Variants in GUCY1A2 observed in about 807,000 individuals in gnomAD.
The protein encoded by GUCY1A2 is guanylate cyclase soluble subunit alpha-2.
In GUCY1A2, 27 loss-of-function variants were observed where a neutral mutation model predicts 63.5. That is an observed-to-expected ratio of 0.43 (90% CI 0.31 to 0.59). The LOEUF is 0.59. GUCY1A2 is among the 20% of genes least tolerant of loss of function. GUCY1A2 has a pLI of 0.11. For synonymous variants in GUCY1A2, 364 were observed against 343.5 expected (o/e 1.06, Z -0.66); for missense variants, 768 against 913.3 (o/e 0.84, Z 2.05).
chr11:106,915,105 G>C (rs779149493), intron 4 of GUCY1A2, among the ~76,000 whole-genome samples: 17 of 152,122 alleles, frequency 1.1e-4, no homozygotes, highest in Non-Finnish European at 1.5e-4. Flanking sequence ...GTTTAAAAAA[G>C]TTCTTCAGGA....
Position 107,001,973 on chromosome 11 carries a change from C to T in GUCY1A2, c.303+15780G>A, listed in dbSNP as rs1468275603. Among the ~76,000 whole-genome samples, 8 of 150,854 alleles carry T rather than the reference C, an allele frequency of 5.3e-5. No individual in the cohort carries two copies. The East Asian group carries it at 5.8e-4, about 11-fold the overall frequency. On this transcript the variant is annotated intron_variant, in intron 1 of 7. Coordinates refer to ENST00000526355, the MANE Select transcript of GUCY1A2 (RefSeq NM_000855.3). ...GGCAGAGGTTGCAATGAGCTGAGAT[C>T]GCAACACTACACAGCAGCCTGGGCG... is the stretch of plus-strand genomic sequence containing the variant.
At position 106,682,241 on chromosome 11, in the gene GUCY1A2, T is replaced by C; in HGVS notation, c.*5308A>G. The C allele has an allele frequency of 4.7e-6, 1 of 214,754 alleles. No homozygotes were observed. The highest frequency in any genetic ancestry group is 9.4e-6 in the Non-Finnish European group (1 of 106,620). 13.3% of individuals were successfully genotyped at this position (214,754 alleles called of 1,614,324 possible). A position where few individuals can be genotyped will look rare whatever the true frequency, so the allele number is the denominator to read the frequency against. ...ATAATGGTATGAGGCCTAGAGTATT[T>C]AACTTTTCAAAATAACTACAAATGA... On this transcript the variant is annotated 3_prime_UTR_variant, in exon 8 of 8. Coordinates refer to ENST00000526355, the MANE Select transcript of GUCY1A2 (RefSeq NM_000855.3).
intron 6 of GUCY1A2, among the ~76,000 whole-genome samples, chr11:106,771,182 A>G (rs1384207802): frequency 6.6e-6 from 1 of 152,106 alleles, no homozygotes; most frequent in Non-Finnish European, 1.5e-5. Context: ...TTAATCCTTG[A>G]CCCAACTTCC....
chr11:106,952,288 G>T (rs1860920396), intron 3 of GUCY1A2, among the ~76,000 whole-genome samples: 1 of 152,172 alleles, frequency 6.6e-6, no homozygotes, highest in Non-Finnish European at 1.5e-5. Context: ...GTCAATGGTA[G>T]TTTGATGTGA....
At chr11:106,819,657 G>C (rs1453500161) in intron 4 of GUCY1A2, among the ~76,000 whole-genome samples, 1 of 152,078 alleles carries the variant, frequency 6.6e-6, no homozygotes, top group Non-Finnish European at 1.5e-5. Flanking sequence ...CTACAGTATA[G>C]TGTGAAAAGA....
chr11:106,894,776 G>A (rs906203899), intron 4 of GUCY1A2, among the ~76,000 whole-genome samples: 2 of 152,114 alleles, frequency 1.3e-5, no homozygotes, highest in South Asian at 4.2e-4. Context: ...TGCAAAGAGA[G>A]TAACACCACT....
chr11:106,981,819 C>T (rs2120128496), intron 2 of GUCY1A2, among the ~76,000 whole-genome samples: 1 of 151,984 alleles, frequency 6.6e-6, no homozygotes, highest in East Asian at 1.9e-4. Context: ...GCATGTTCAC[C>T]ACCAGATGCT....
intron 4 of GUCY1A2, chr11:106,827,897 G>A (rs541926948): frequency 4.3e-5 from 65 of 1,511,366 alleles, no homozygotes; most frequent in African/African-American, 4.1e-5. Flanking sequence ...TCATGCTGCC[G>A]GACTCCCAGT....
intron 5 of GUCY1A2, among the ~76,000 whole-genome samples, chr11:106,795,595 A>T (rs1283928990): frequency 1.3e-5 from 2 of 151,668 alleles, no homozygotes. Context: ...CAGCAGTCTC[A>T]CAGCGATTTT....
intron 5 of GUCY1A2, among the ~76,000 whole-genome samples, chr11:106,788,458 GC>G (rs1864603370): frequency 6.6e-6 from 1 of 151,362 alleles, no homozygotes; most frequent in Non-Finnish European, 1.5e-5. Context: ...CAAGAAATCT[GC>G]CCACTCCAAT....
chr11:107,015,493 T>A (rs1331142347), intron 1 of GUCY1A2, among the ~76,000 whole-genome samples: 2 of 133,186 alleles, frequency 1.5e-5, no homozygotes, highest in African/African-American at 5.6e-5. Flanking sequence ...TTGAAAATAG[T>A]CTTAGCTTAA....
chr11:107,004,654 A>G (rs1444764613), intron 1 of GUCY1A2, among the ~76,000 whole-genome samples: 2 of 152,210 alleles, frequency 1.3e-5, no homozygotes, highest in Non-Finnish European at 2.9e-5. Context: ...TAGGTAAACT[A>G]GTAAATAAGA....
intron 4 of GUCY1A2, among the ~76,000 whole-genome samples, chr11:106,820,163 A>T (rs1356951902): frequency 6.6e-6 from 1 of 152,256 alleles, no homozygotes; most frequent in East Asian, 1.9e-4. Context: ...TTCCAAAAAA[A>T]TAAGGTGCTT....
intron 6 of GUCY1A2, among the ~76,000 whole-genome samples, chr11:106,738,251 T>C (rs1863625558): frequency 2.0e-5 from 3 of 152,210 alleles, no homozygotes; most frequent in Non-Finnish European, 4.4e-5. Flanking sequence ...TGTACTTTTC[T>C]TGTAAATTTG....
At chr11:106,970,183 A>G (rs950784729) in intron 3 of GUCY1A2, among the ~76,000 whole-genome samples, 21 of 152,142 alleles carry the variant, frequency 1.4e-4, no homozygotes, top group Admixed American at 1.4e-3. Context: ...CCATTTGTGG[A>G]CATCTTATAT....
chr11:106,757,731 C>A lies in GUCY1A2; in HGVS notation c.1836+18708G>T, dbSNP rs1863998917. 2.6e-5 allele frequency among the ~76,000 whole-genome samples: 4 copies of A among 152,166 alleles called. No individual in the cohort carries two copies. In the South Asian group the frequency reaches 8.3e-4, roughly 32 times the overall value. ...CTGATCGTTCCTCTGGAAGCTTTGT[C>A]CCAGAGGGGCACCCATGAGATGCCA... On this transcript the variant is annotated intron_variant, in intron 6 of 7. Transcript: ENST00000526355.
rs564931540 is a variant in GUCY1A2 at position 106,703,497 on chromosome 11, T to C, written c.1991+5015A>G. ...AGATATGTGATGATAGAAGTAGAAT[T>C]AGAAAGATGAACTATTATTGGCTTT... On this transcript the variant is annotated intron_variant, in intron 7 of 7. Transcript: ENST00000526355. Among the ~76,000 whole-genome samples, 3 of 151,404 alleles carry C rather than the reference T, an allele frequency of 2.0e-5. No homozygotes were observed. The East Asian group carries it at 5.8e-4, about 29-fold the overall frequency.
At chr11:106,750,708 G>A (rs1863867298) in intron 6 of GUCY1A2, among the ~76,000 whole-genome samples, 2 of 151,128 alleles carry the variant, frequency 1.3e-5, no homozygotes, top group Admixed American at 1.3e-4. Flanking sequence ...TTTTTCCAGT[G>A]TAGTTGTTTT....
intron 4 of GUCY1A2, among the ~76,000 whole-genome samples, chr11:106,839,712 A>G (rs978496738): frequency 1.3e-5 from 2 of 151,878 alleles, no homozygotes; most frequent in African/African-American, 4.8e-5. Context: ...CTTTGTAGGG[A>G]CATGGATAAA....
Sources: allele counts gnomAD v4.1 joint callset (sites outside exome capture counted in the v4.1 genomes callset), GRCh38; gene constraint gnomAD v4.1.1; transcripts MANE v1.5; gene names NCBI Gene and HGNC (gene_info 2026-07-23, HGNC 2026-07-21).